The following YEATS2 variants were observed in gnomAD, a reference collection of about 807,000 sequenced individuals.
The protein encoded by YEATS2 is YEATS domain-containing protein 2.
A neutral mutation model predicts 163.2 loss-of-function variants in YEATS2; 77 were observed. The observed-to-expected ratio is 0.47, with a 90% CI of 0.39 to 0.57. YEATS2 has a LOEUF of 0.57. Ranked by LOEUF, YEATS2 falls within the 20% of genes least tolerant of loss-of-function variation. YEATS2 has a pLI of 0.00. For missense variants in YEATS2, 1,549 were observed against 1,729.8 expected (o/e 0.90, Z 1.85); for synonymous variants, 631 against 645.1 (o/e 0.98, Z 0.33).
intron 15 of YEATS2, among the ~76,000 whole-genome samples, chr3:183,763,999 C>T (rs892596827): frequency 1.6e-4 from 24 of 151,912 alleles, no homozygotes; most frequent in Admixed American, 5.9e-4. Context: ...ACCCAGGAGG[C>T]GGAGGTTGCA....
intron 1 of YEATS2, among the ~76,000 whole-genome samples, chr3:183,714,743 CTG>C (rs1297641269): frequency 1.3e-5 from 2 of 152,124 alleles, no homozygotes; most frequent in African/African-American, 4.8e-5. Flanking sequence ...TTCTAAGACA[CTG>C]TGTGGGCTAA....
intron 5 of YEATS2, 146 bp downstream of exon 5, chr3:183,722,282 T>A: frequency 7.7e-5 from 7 of 91,380 alleles, no homozygotes; most frequent in Non-Finnish European, 1.1e-4. Flanking sequence ...CCAAATCTTT[T>A]TTTTTTTTTT....
At chr3:183,782,364 C>A (rs1234202714) in intron 19 of YEATS2, among the ~76,000 whole-genome samples, 1 of 151,620 alleles carries the variant, frequency 6.6e-6, no homozygotes, top group Non-Finnish European at 1.5e-5. Flanking sequence ...CCGCCTCAGC[C>A]TCCCAAAGTG....
intron 3 of YEATS2, among the ~76,000 whole-genome samples, chr3:183,718,177 C>T (rs1272645416): frequency 1.3e-5 from 2 of 152,156 alleles, no homozygotes; most frequent in African/African-American, 2.4e-5. Flanking sequence ...GTCCCATAAA[C>T]ATGTGCACTG....
chr3:183,749,548 G>C (rs1011792072), intron 9 of YEATS2, among the ~76,000 whole-genome samples: 2 of 152,154 alleles, frequency 1.3e-5, no homozygotes, highest in East Asian at 3.9e-4. Flanking sequence ...GTGTCTCTTT[G>C]GGATTGCCTT....
intron 19 of YEATS2, among the ~76,000 whole-genome samples, chr3:183,779,615 C>T (rs148374413): frequency 1.6e-3 from 250 of 152,282 alleles, no homozygotes; most frequent in Non-Finnish European, 1.7e-3. Flanking sequence ...CTTTATAGCC[C>T]TCTGTTTCCT....
At chr3:183,763,467 A>G (rs1187516851) in intron 15 of YEATS2, among the ~76,000 whole-genome samples, 1 of 152,208 alleles carries the variant, frequency 6.6e-6, no homozygotes, top group African/African-American at 2.4e-5. Flanking sequence ...TATGGTATCA[A>G]TATTGAGTGC....
At chr3:183,718,064 T>C (rs2109040259) in intron 3 of YEATS2, among the ~76,000 whole-genome samples, 1 of 152,332 alleles carries the variant, frequency 6.6e-6, no homozygotes, top group Admixed American at 6.5e-5. Flanking sequence ...AAAATTGGAT[T>C]GTTTGTAACA....
At chr3:183,743,071 A>C (rs1394077373) in intron 8 of YEATS2, among the ~76,000 whole-genome samples, 3 of 152,256 alleles carry the variant, frequency 2.0e-5, no homozygotes, top group Non-Finnish European at 4.4e-5. Flanking sequence ...TTTTATAAGC[A>C]CTGGGAAACA....
At chr3:183,778,726 A>C (rs528532131) in intron 19 of YEATS2, among the ~76,000 whole-genome samples, 8 of 152,166 alleles carry the variant, frequency 5.3e-5, no homozygotes, top group Non-Finnish European at 8.8e-5. Context: ...GTATCAGGAT[A>C]ATACTGGCCT....
At position 183,752,246 on chromosome 3, in the gene YEATS2, G is replaced by A. The variant is rs1720249477; in HGVS notation, c.1143G>A (p.Val381=). ...QSHEPVPDTS[V]EKGFPASTEA... is the part of the protein sequence containing the mutation. ...ATGAGCCAGTACCCGATACCTCTGT[G>A]GAGAAAGGTAATACAGCAGTTTTCC... The change falls in exon 10 of 31, where the codon GTG becomes GTA. Residue 381 remains valine (V), a synonymous_variant. Transcript: ENST00000305135. The A allele has an allele frequency of 2.5e-6, 4 of 1,614,088 alleles. No homozygotes were observed. Among genetic ancestry groups the A allele is most frequent in the Non-Finnish European group, 2.5e-6 (3 of 1,180,012 alleles).
At chr3:183,767,435 C>T (rs1293926677) in intron 15 of YEATS2, among the ~76,000 whole-genome samples, 1 of 151,466 alleles carries the variant, frequency 6.6e-6, no homozygotes, top group Non-Finnish European at 1.5e-5. Flanking sequence ...GGCTGGAGAG[C>T]AGTGGCGCCA....
intron 1 of YEATS2, among the ~76,000 whole-genome samples, chr3:183,709,617 G>A (rs2108994575): frequency 6.6e-6 from 1 of 151,848 alleles, no homozygotes; most frequent in East Asian, 1.9e-4. Context: ...TTACAGGCCT[G>A]AGCCTCTGCA....
At chr3:183,714,149 G>T (rs970042419) in intron 1 of YEATS2, among the ~76,000 whole-genome samples, 2 of 151,238 alleles carry the variant, frequency 1.3e-5, no homozygotes, top group Non-Finnish European at 1.5e-5. Context: ...GCCACATAAG[G>T]CTAGTGGTTA....
At chr3:183,764,368 TAAA>T (rs11452949) in intron 15 of YEATS2, among the ~76,000 whole-genome samples, 10 of 105,224 alleles carry the variant, frequency 9.5e-5, no homozygotes, top group African/African-American at 1.8e-4. Context: ...AAACTCTGTT[TAAA>T]AAAAAAAAAA....
chr3:183,757,880 G>T (rs1276215888), intron 12 of YEATS2, among the ~76,000 whole-genome samples: 1 of 152,002 alleles, frequency 6.6e-6, no homozygotes, highest in African/African-American at 2.4e-5. Flanking sequence ...CATACTTAAG[G>T]ATGCCAAATA....
At chr3:183,807,169 C>G (rs1045260797) in intron 28 of YEATS2, 77 bp downstream of exon 28, 2 of 1,323,536 alleles carry the variant, frequency 1.5e-6, no homozygotes, top group East Asian at 2.5e-5. Context: ...CTTCACAGAC[C>G]CAGACCCAGG....
rs1255615925 is a variant in YEATS2, at chr3:183,718,537, G to A, written c.236G>A (p.Arg79His). 12 of 1,613,616 alleles carry A rather than the reference G, an allele frequency of 7.4e-6. No individual in the cohort carries two copies. The highest frequency in any genetic ancestry group is 3.3e-5 in the Admixed American group (2 of 59,956). The change falls in exon 4 of 31, where the codon CGT (arginine) becomes CAT (histidine). Residue 79 changes from arginine (R) to histidine (H), a missense_variant. Transcript: ENST00000305135. ...GCAAGAAGGATGATGGATAAACTGC[G>A]TGCCTGCATTGTAGCAAACTACTAT... Reference protein sequence around the residue: ...IEARRMMDKLRACIVANYYAS... With the variant: ...IEARRMMDKLHACIVANYYAS...
intron 15 of YEATS2, among the ~76,000 whole-genome samples, chr3:183,767,455 A>G (rs534584205): frequency 6.6e-6 from 1 of 151,336 alleles, no homozygotes; most frequent in South Asian, 2.1e-4. Context: ...ATCTCGGCTC[A>G]CTACAACCTC....
Sources: allele counts gnomAD v4.1 joint callset (sites outside exome capture counted in the v4.1 genomes callset), GRCh38; gene constraint gnomAD v4.1.1; transcripts MANE v1.5; gene names NCBI Gene and HGNC (gene_info 2026-07-23, HGNC 2026-07-21).